The following ALDH1L2 variants were observed in gnomAD, a reference collection of about 807,000 sequenced individuals.
The protein encoded by ALDH1L2 is mitochondrial 10-formyltetrahydrofolate dehydrogenase.
In ALDH1L2, 91 loss-of-function variants were observed where a neutral mutation model predicts 111.0. The observed-to-expected ratio is 0.82, with a 90% CI of 0.69 to 0.98. The LOEUF is 0.98. Among genes scored for constraint, ALDH1L2 ranks in the 50% least tolerant of loss-of-function variants. The pLI, the probability that ALDH1L2 is intolerant of heterozygous loss-of-function variation, is 0.00. For missense variants in ALDH1L2, 995 were observed against 1,126.8 expected (o/e 0.88, Z 1.67); for synonymous variants, 374 against 392.6 (o/e 0.95, Z 0.56).
rs1877083547 is a variant in ALDH1L2 at position 105,062,872 on chromosome 12, C to T, written c.921+16G>A. ...ATCAAAAGGTTATTTCATAGGCAGC[C>T]ATATTTAACACTCACTGCTTTTCCA... On this transcript the variant is annotated intron_variant, in intron 7 of 22. Transcript: ENST00000258494. 1 of 1,604,772 alleles carries T rather than the reference C, an allele frequency of 6.2e-7. No homozygotes were observed. Among genetic ancestry groups the T allele is most frequent in the African/African-American group, 1.3e-5 (1 of 74,226 alleles).
chr12:105,047,435 C>G (rs1875988277), intron 13 of ALDH1L2: 1 of 169,146 alleles, frequency 5.9e-6, no homozygotes, highest in East Asian at 1.6e-4. Flanking sequence ...TGTCTGCTTC[C>G]TCCTTCTTCC....
intron 1 of ALDH1L2, among the ~76,000 whole-genome samples, chr12:105,075,584 C>T (rs1878007920): frequency 6.6e-6 from 1 of 152,094 alleles, no homozygotes; most frequent in Admixed American, 6.6e-5. Context: ...AAACTCTGTC[C>T]ACACCCCGCC....
Position 105,024,251 on chromosome 12 carries a change from A to C in ALDH1L2, c.*173T>G, listed in dbSNP as rs796527982. On this transcript the variant is annotated 3_prime_UTR_variant, in exon 23 of 23. Coordinates refer to ENST00000258494, the MANE Select transcript of ALDH1L2 (RefSeq NM_001034173.4). Reference sequence around the variant, plus strand: ...CAAATCACTGGAAGGTGTATTAGAAAATACTCAGGCACATGTGTAAATGCT... The same window carrying C: ...CAAATCACTGGAAGGTGTATTAGAACATACTCAGGCACATGTGTAAATGCT... 6 of 653,312 alleles carry C rather than the reference A, an allele frequency of 9.2e-6. No individual in the cohort carries two copies. In the African/African-American group the frequency reaches 1.1e-4, roughly 12 times the overall value. The allele number at this position is 653,312 out of a possible 1,614,324, so 40.5% of individuals were successfully genotyped here. A position where few individuals can be genotyped will look rare whatever the true frequency, so the allele number is the denominator to read the frequency against.
chr12:105,052,153 T>C lies in ALDH1L2; in HGVS notation c.1472A>G (p.Asp491Gly). ...TCCCCATTCACCGTTTTCAAAAGCA[T>C]CTTTTGCTGCTGCTACTGCTTTATC... The part of the protein sequence containing the change: ...DVDKAVAAAK[D>G]AFENGEWGRM... Residue 491 changes from aspartate (D) to glycine (G), a missense_variant, in exon 12 of 23, where the codon GAT becomes GGT. Coordinates refer to ENST00000258494, the MANE Select transcript of ALDH1L2 (RefSeq NM_001034173.4). 6.2e-7 allele frequency: 1 copy of C among 1,612,156 alleles called. No individual in the cohort carries two copies. Among genetic ancestry groups the C allele is most frequent in the Non-Finnish European group, 8.5e-7 (1 of 1,178,872 alleles).
chr12:105,077,467 T>C (rs1878117563), intron 1 of ALDH1L2, among the ~76,000 whole-genome samples: 1 of 149,928 alleles, frequency 6.7e-6, no homozygotes, highest in African/African-American at 2.5e-5. Flanking sequence ...TTAGTAGAGA[T>C]GGGGTTTCAT....
chr12:105,046,656 A>G, intron 15 of ALDH1L2, 54 bp downstream of exon 15: 1 of 1,453,218 alleles, frequency 6.9e-7, no homozygotes, highest in African/African-American at 1.4e-5. Context: ...ACTTTTTTGA[A>G]GTACTGGATA....
At chr12:105,060,831 A>AAAAG in intron 9 of ALDH1L2, 150 bp downstream of exon 9, 1 of 431,100 alleles carries the variant, frequency 2.3e-6, no homozygotes. Context: ...TCTCAGGAAA[A>AAAAG]AAAAAAAAAA....
chr12:105,032,013 T>A, intron 19 of ALDH1L2, 79 bp from the exon 20 acceptor site: 1 of 1,465,814 alleles, frequency 6.8e-7, no homozygotes, highest in African/African-American at 1.4e-5. Context: ...GGTGTTATAC[T>A]AAGGTGTTTA....
intron 10 of ALDH1L2, among the ~76,000 whole-genome samples, chr12:105,054,702 T>C (rs1158606428): frequency 1.3e-5 from 2 of 152,144 alleles, no homozygotes; most frequent in African/African-American, 4.8e-5. Flanking sequence ...AGAGGCAGGG[T>C]CTCACTATGT....
At chr12:105,053,913 C>T (rs906633533) in intron 10 of ALDH1L2, among the ~76,000 whole-genome samples, 7 of 151,372 alleles carry the variant, frequency 4.6e-5, no homozygotes, top group Non-Finnish European at 8.8e-5. Flanking sequence ...TAACAGAAGA[C>T]GTATTTCATA....
intron 1 of ALDH1L2, among the ~76,000 whole-genome samples, chr12:105,075,297 C>T (rs1223310809): frequency 6.6e-5 from 10 of 152,152 alleles, no homozygotes; most frequent in Non-Finnish European, 1.3e-4. Flanking sequence ...TTAAAGAAGC[C>T]ATGTTGGCCG....
chr12:105,046,865 C>T (rs763842412), intron 14 of ALDH1L2, 34 bp downstream of exon 14: 31 of 1,613,104 alleles, frequency 1.9e-5, no homozygotes, highest in Non-Finnish European at 2.2e-5. Flanking sequence ...TAACACAACT[C>T]ATGATTCACT....
chr12:105,065,771 G>A (rs1315438501), intron 5 of ALDH1L2, among the ~76,000 whole-genome samples: 1 of 151,694 alleles, frequency 6.6e-6, no homozygotes, highest in Non-Finnish European at 1.5e-5. Context: ...TCCGCACCTA[G>A]ATTTTGTCTC....
intron 22 of ALDH1L2, among the ~76,000 whole-genome samples, chr12:105,025,789 C>T (rs960825797): frequency 3.9e-5 from 6 of 152,298 alleles, no homozygotes; most frequent in East Asian, 1.9e-4. Flanking sequence ...ACAGCCAGAC[C>T]GCCTGCCTTT....
intron 6 of ALDH1L2, among the ~76,000 whole-genome samples, chr12:105,064,110 C>T (rs1254272189): frequency 1.9e-5 from 2 of 106,306 alleles, no homozygotes; most frequent in Non-Finnish European, 3.7e-5. Context: ...GCCACCACAC[C>T]GAGCTTTTTT....
chr12:105,074,457 C>CAAAAAAAAAAAAAAAAAAAA (rs1565974203), intron 1 of ALDH1L2, among the ~76,000 whole-genome samples: 8 of 93,674 alleles, frequency 8.5e-5, no homozygotes, highest in Non-Finnish European at 1.3e-4. Context: ...GACTCTGTCT[C>CAAAAAAAAAAAAAAAAAAAA]CAAAAAAAAA....
intron 10 of ALDH1L2, among the ~76,000 whole-genome samples, chr12:105,056,524 ATTTT>A (rs1565962801): frequency 6.6e-6 from 1 of 152,078 alleles, no homozygotes; most frequent in African/African-American, 2.4e-5. Context: ...GTATAAATAT[ATTTT>A]TTAACTCTAT....
chr12:105,032,327 G>GCC (rs1874757083), intron 19 of ALDH1L2, among the ~76,000 whole-genome samples: 1 of 151,872 alleles, frequency 6.6e-6, no homozygotes. Flanking sequence ...ACAGGCGCCT[G>GCC]CCACTGCGTC....
At chr12:105,051,302 C>T (rs762129018) in intron 12 of ALDH1L2, among the ~76,000 whole-genome samples, 8 of 152,104 alleles carry the variant, frequency 5.3e-5, no homozygotes, top group Non-Finnish European at 1.0e-4. Context: ...CACTGGGAGG[C>T]ACCCGCAGAA....
Sources: allele counts gnomAD v4.1 joint callset (sites outside exome capture counted in the v4.1 genomes callset), GRCh38; gene constraint gnomAD v4.1.1; transcripts MANE v1.5; gene names NCBI Gene and HGNC (gene_info 2026-07-23, HGNC 2026-07-21).